MARCHF1: variants seen among roughly 807,000 people sequenced by gnomAD.
MARCHF1 encodes membrane associated ring-CH-type finger 1.
MARCHF1 carries 40 observed loss-of-function variants against 54.2 expected under a neutral mutation model. That is an observed-to-expected ratio of 0.74 (90% CI 0.57 to 0.96). MARCHF1 has a LOEUF of 0.96. Ranked by LOEUF, MARCHF1 falls within the 40% of genes least tolerant of loss-of-function variation. MARCHF1 has a pLI of 0.00. For synonymous variants in MARCHF1, 236 were observed against 236.3 expected (o/e 1.00, Z 0.01); for missense variants, 586 against 656.5 (o/e 0.89, Z 1.17).
At chr4:163,887,632 G>A (rs1015347235) in intron 3 of MARCHF1, among the ~76,000 whole-genome samples, 1 of 152,142 alleles carries the variant, frequency 6.6e-6, no homozygotes, top group African/African-American at 2.4e-5. Flanking sequence ...TACTTACGAA[G>A]AGAGTGCTAC....
At chr4:164,151,679 G>A (rs1304105984) in intron 1 of MARCHF1, among the ~76,000 whole-genome samples, 2 of 152,022 alleles carry the variant, frequency 1.3e-5, no homozygotes, top group African/African-American at 4.8e-5. Flanking sequence ...ATGCAAAGAA[G>A]GCACTGACTG....
At chr4:163,900,495 G>T (rs1203728649) in intron 3 of MARCHF1, among the ~76,000 whole-genome samples, 1 of 152,124 alleles carries the variant, frequency 6.6e-6, no homozygotes, top group Non-Finnish European at 1.5e-5. Context: ...TTCTGTAGTT[G>T]AGTTGGATAA....
At chr4:164,048,608 G>C (rs930957474) in intron 2 of MARCHF1, among the ~76,000 whole-genome samples, 1 of 152,080 alleles carries the variant, frequency 6.6e-6, no homozygotes, top group Non-Finnish European at 1.5e-5. Flanking sequence ...GCTGTAAAAA[G>C]AATGATGTCT....
At chr4:164,081,243 A>AAAAAAT (rs1553978609) in intron 2 of MARCHF1, among the ~76,000 whole-genome samples, 1 of 145,250 alleles carries the variant, frequency 6.9e-6, no homozygotes. Flanking sequence ...AAAAAGAAAT[A>AAAAAAT]TTATTTGCAT....
At chr4:163,856,375 C>T (rs1749767994) in intron 3 of MARCHF1, among the ~76,000 whole-genome samples, 1 of 152,004 alleles carries the variant, frequency 6.6e-6, no homozygotes, top group African/African-American at 2.4e-5. Flanking sequence ...ATTGTACAGG[C>T]TATTTTAAGA....
intron 7 of MARCHF1, among the ~76,000 whole-genome samples, chr4:163,592,148 T>C (rs1187630515): frequency 6.6e-6 from 1 of 152,152 alleles, no homozygotes; most frequent in Non-Finnish European, 1.5e-5. Context: ...AATACAATCA[T>C]GACATAAGAA....
chr4:163,807,318 T>C (rs1010858085), intron 4 of MARCHF1, among the ~76,000 whole-genome samples: 3 of 152,320 alleles, frequency 2.0e-5, no homozygotes, highest in Non-Finnish European at 4.4e-5. Context: ...ATATACTGTG[T>C]ATACAGACAT....
intron 1 of MARCHF1, chr4:164,190,034 G>T: frequency 8.0e-6 from 11 of 1,369,312 alleles, no homozygotes; most frequent in Non-Finnish European, 1.2e-5. Flanking sequence ...AAGACACAAA[G>T]CTCAAGGAGT....
chr4:164,147,896 C>G (rs961837939), intron 1 of MARCHF1, among the ~76,000 whole-genome samples: 3 of 151,748 alleles, frequency 2.0e-5, no homozygotes, highest in Non-Finnish European at 2.9e-5. Flanking sequence ...TGTTATTCAG[C>G]TTGATTTAGC....
At chr4:164,254,427 T>G (rs567914826) in intron 1 of MARCHF1, among the ~76,000 whole-genome samples, 9 of 149,630 alleles carry the variant, frequency 6.0e-5, no homozygotes, top group Middle Eastern at 3.5e-3. Flanking sequence ...CCTATATATA[T>G]GTATCAATAT....
intron 5 of MARCHF1, among the ~76,000 whole-genome samples, chr4:163,642,504 A>C (rs1197631233): frequency 6.6e-6 from 1 of 152,152 alleles, no homozygotes; most frequent in East Asian, 1.9e-4. Flanking sequence ...TGAATTTATA[A>C]ATCATTGACT....
chr4:163,683,261 C>A, intron 5 of MARCHF1, among the ~76,000 whole-genome samples: 1 of 152,182 alleles, frequency 6.6e-6, no homozygotes, highest in East Asian at 1.9e-4. Flanking sequence ...GTAAAAGGCA[C>A]ATCTCACATG....
In MARCHF1 at chr4:164,349,851, G is replaced by A. The variant is rs1444958922; in HGVS notation, c.-323+34019C>T. On this transcript the variant is annotated intron_variant, in intron 1 of 9. Coordinates refer to ENST00000514618, the MANE Select transcript of MARCHF1 (RefSeq NM_001394959.1). Reference sequence around the variant, plus strand: ...ACTTATCCACTCAAATTGTTCAAAAGTTGTCAAGAGATTTCAAACATACAG... The same window carrying A: ...ACTTATCCACTCAAATTGTTCAAAAATTGTCAAGAGATTTCAAACATACAG... Among the ~76,000 whole-genome samples, 3 of 152,188 alleles carry A rather than the reference G, an allele frequency of 2.0e-5. 1 individual carries two copies. The highest frequency in any genetic ancestry group is 4.4e-5 in the Non-Finnish European group (3 of 68,014).
At chr4:164,090,089 A>G (rs1033032271) in intron 2 of MARCHF1, among the ~76,000 whole-genome samples, 3 of 152,038 alleles carry the variant, frequency 2.0e-5, no homozygotes, top group African/African-American at 7.2e-5. Context: ...TGTACACACA[A>G]TTCACCAGGT....
intron 1 of MARCHF1, among the ~76,000 whole-genome samples, chr4:164,141,076 C>G (rs1271514994): frequency 6.6e-6 from 1 of 152,306 alleles, no homozygotes; most frequent in East Asian, 1.9e-4. Flanking sequence ...TGACTTCTAA[C>G]AGTAGATCAC....
At chr4:164,080,492 A>T (rs1755072307) in intron 2 of MARCHF1, among the ~76,000 whole-genome samples, 1 of 152,160 alleles carries the variant, frequency 6.6e-6, no homozygotes, top group Non-Finnish European at 1.5e-5. Flanking sequence ...GAGGAAAAAA[A>T]TAGAGCATAG....
At chr4:164,088,183 T>C (rs774974379) in intron 2 of MARCHF1, among the ~76,000 whole-genome samples, 4 of 152,172 alleles carry the variant, frequency 2.6e-5, no homozygotes, top group Non-Finnish European at 5.9e-5. Flanking sequence ...CTCTCTAAGA[T>C]AGATACTGGA....
intron 4 of MARCHF1, among the ~76,000 whole-genome samples, chr4:163,714,753 C>G (rs1316599275): frequency 6.6e-6 from 1 of 152,086 alleles, no homozygotes; most frequent in East Asian, 1.9e-4. Flanking sequence ...TCACTGCAGT[C>G]ACCACCTCCA....
At chr4:164,177,832 CAG>C (rs67490517) in intron 1 of MARCHF1, among the ~76,000 whole-genome samples, 9,472 of 138,750 alleles carry the variant, frequency 0.068, 413 homozygotes, top group Middle Eastern at 0.16. Context: ...CACACACACA[CAG>C]AGAGACAAAG....
Sources: gnomAD v4.1 joint callset for allele counts (sites outside exome capture counted in the v4.1 genomes callset) on GRCh38, gnomAD v4.1.1 for gene constraint, MANE v1.5 for transcripts, NCBI Gene and HGNC (gene_info 2026-07-23, HGNC 2026-07-21) for gene names.